Variants in KCNH1 observed in about 807,000 individuals in gnomAD.
KCNH1 encodes voltage-gated delayed rectifier potassium channel KCNH1.
KCNH1 carries 27 observed loss-of-function variants against 69.2 expected under a neutral mutation model. That is an observed-to-expected ratio of 0.39 (90% CI 0.29 to 0.54). The LOEUF (loss-of-function observed/expected upper bound fraction) is 0.54. Among genes scored for constraint, KCNH1 ranks in the 20% least tolerant of loss-of-function variants. The pLI, the probability that KCNH1 is intolerant of heterozygous loss-of-function variation, is 0.68. For synonymous variants in KCNH1, 456 were observed against 487.7 expected (o/e 0.93, Z 0.86); for missense variants, 798 against 1,261.6 (o/e 0.63, Z 5.57).
rs7535286 is a variant in KCNH1 at position 210,977,300 on chromosome 1, G to T, written c.1032+41483C>A. Among the ~76,000 whole-genome samples, 139 of 152,018 alleles carry T rather than the reference G, an allele frequency of 9.1e-4. 4 individuals are homozygous for T. In the East Asian group the frequency reaches 0.022, roughly 25 times the overall value. On this transcript the variant is annotated intron_variant, in intron 6 of 10. Transcript: ENST00000271751. ...CACACACTGGGGCCTGTCGTGAGGTGGGGGGAGTGGGGAGGGATAGCATTA... is the reference window on the plus strand; with the variant it reads ...CACACACTGGGGCCTGTCGTGAGGTTGGGGGAGTGGGGAGGGATAGCATTA...
At chr1:210,795,996 CACACACAA>C (rs1270239958) in intron 9 of KCNH1, among the ~76,000 whole-genome samples, 1 of 141,872 alleles carries the variant, frequency 7.0e-6, no homozygotes, top group Admixed American at 7.1e-5. Context: ...CACACACACA[CACACACAA>C]ATTAGCTGGG....
At chr1:210,778,586 A>G (rs900012883) in intron 9 of KCNH1, among the ~76,000 whole-genome samples, 8 of 151,768 alleles carry the variant, frequency 5.3e-5, no homozygotes, top group Non-Finnish European at 1.0e-4. Flanking sequence ...GCAGAACATC[A>G]CAAATCATCC....
At chr1:210,899,722 T>C (rs1167107052) in intron 7 of KCNH1, among the ~76,000 whole-genome samples, 2 of 152,234 alleles carry the variant, frequency 1.3e-5, no homozygotes, top group Non-Finnish European at 2.9e-5. Flanking sequence ...TGACTTCATG[T>C]GATCTTCTTA....
At chr1:210,760,966 G>C (rs917869353) in intron 10 of KCNH1, among the ~76,000 whole-genome samples, 2 of 152,094 alleles carry the variant, frequency 1.3e-5, no homozygotes, top group Non-Finnish European at 2.9e-5. Flanking sequence ...AAAAGTACAT[G>C]TAAAGGCCGG....
At chr1:210,979,327 T>A (rs1688670872) in intron 6 of KCNH1, among the ~76,000 whole-genome samples, 1 of 152,252 alleles carries the variant, frequency 6.6e-6, no homozygotes, top group African/African-American at 2.4e-5. Context: ...GATTGTTGTA[T>A]AACTTTGGAC....
intron 1 of KCNH1, among the ~76,000 whole-genome samples, chr1:211,128,178 A>T (rs1691815024): frequency 6.6e-6 from 1 of 151,644 alleles, no homozygotes; most frequent in Admixed American, 6.6e-5. Context: ...AATCCCAGCT[A>T]CTCAGGAGGC....
chr1:210,690,157 G>A (rs1020318478), intron 10 of KCNH1, among the ~76,000 whole-genome samples: 8 of 152,196 alleles, frequency 5.3e-5, no homozygotes, highest in African/African-American at 9.6e-5. Context: ...AAGAGGAAAC[G>A]CGCAGGCCCT....
chr1:211,002,290 A>G (rs1341421488), intron 6 of KCNH1, among the ~76,000 whole-genome samples: 2 of 147,210 alleles, frequency 1.4e-5, no homozygotes, highest in African/African-American at 5.0e-5. Flanking sequence ...GTATGTATAC[A>G]TGTATATATG....
intron 6 of KCNH1, among the ~76,000 whole-genome samples, chr1:210,982,588 A>C (rs1377652384): frequency 6.6e-6 from 1 of 152,158 alleles, no homozygotes; most frequent in Admixed American, 6.5e-5. Context: ...GTCCCTACAA[A>C]GGACATGAAC....
At chr1:210,706,896 TTCTC>T (rs1173941381) in intron 10 of KCNH1, among the ~76,000 whole-genome samples, 2 of 152,250 alleles carry the variant, frequency 1.3e-5, no homozygotes, top group South Asian at 2.1e-4. Context: ...ATTTCCTGCT[TTCTC>T]TCTATCATCT....
At chr1:210,956,303 C>T (rs1225270945) in intron 6 of KCNH1, among the ~76,000 whole-genome samples, 2 of 152,174 alleles carry the variant, frequency 1.3e-5, no homozygotes, top group African/African-American at 4.8e-5. Context: ...ATTCGGTTTG[C>T]CAGTATTTTA....
intron 5 of KCNH1, among the ~76,000 whole-genome samples, chr1:211,049,925 A>T (rs77768448): frequency 0.18 from 27,511 of 152,138 alleles, 2,844 homozygotes; most frequent in Non-Finnish European, 0.23. Context: ...GTGGCAGCAG[A>T]AGAAACCAGA....
intron 7 of KCNH1, among the ~76,000 whole-genome samples, chr1:210,852,378 T>C (rs761486948): frequency 4.6e-5 from 7 of 152,212 alleles, no homozygotes; most frequent in Non-Finnish European, 1.0e-4. Flanking sequence ...AACCAAGTCC[T>C]GCAAAGCTGC....
intron 10 of KCNH1, among the ~76,000 whole-genome samples, chr1:210,739,918 G>A (rs752416117): frequency 3.3e-5 from 5 of 152,082 alleles, no homozygotes; most frequent in Non-Finnish European, 4.4e-5. Context: ...AGATAGAAAA[G>A]CTCAGCTGTT....
chr1:210,683,607 T>C lies in KCNH1; in HGVS notation c.2644A>G (p.Ser882Gly). ...CGCAAGTCGCTCTTGGTGATGCCAC[T>C]GTCACACGAGTCTGTCTTCTTCAGT... Reference protein sequence around the residue: ...ATLKKTDSCDSGITKSDLRLD... With the variant: ...ATLKKTDSCDGGITKSDLRLD... Residue 882 changes from serine (S) to glycine (G), a missense_variant, in exon 11 of 11, where the codon AGT (serine) becomes GGT (glycine). Ser to Gly is a moderately conservative substitution (Grantham distance 56). This residue lies in a region of KCNH1 where 331 missense variants were observed against 363.2 expected (regional missense o/e 0.91). Coordinates refer to ENST00000271751, the MANE Select transcript of KCNH1 (RefSeq NM_172362.3). The surrounding 1 kb of genome is among the most constrained non-coding windows in gnomAD (Gnocchi z 5.7). 6.2e-7 allele frequency: 1 copy of C among 1,614,184 alleles called. No individual in the cohort carries two copies. The highest frequency in any genetic ancestry group is 1.1e-5 in the South Asian group (1 of 91,078).
intron 7 of KCNH1, among the ~76,000 whole-genome samples, chr1:210,869,826 T>G (rs1050114871): frequency 6.6e-6 from 1 of 152,116 alleles, no homozygotes; most frequent in Non-Finnish European, 1.5e-5. Context: ...ACCAGCCCTG[T>G]ATTGCCTCTG....
At chr1:210,915,289 G>C (rs12021704) in intron 7 of KCNH1, among the ~76,000 whole-genome samples, 20,608 of 152,030 alleles carry the variant, frequency 0.14, 1,703 homozygotes, top group East Asian at 0.37. Flanking sequence ...AACTCCTTAA[G>C]AGCACCAACT....
At chr1:210,684,198 C>T in intron 10 of KCNH1, 60 bp from the exon 11 acceptor site, 1 of 1,456,706 alleles carries the variant, frequency 6.9e-7, no homozygotes, top group South Asian at 1.6e-5. Context: ...CTGCAGCAGC[C>T]CAGCTCAGCC....
At chr1:210,918,772 T>G (rs969573578) in intron 7 of KCNH1, 2 of 152,198 alleles carry the variant, frequency 1.3e-5, no homozygotes. Context: ...TCAAAAATGT[T>G]TATCTAGACC....
Sources: allele counts gnomAD v4.1 joint callset (sites outside exome capture counted in the v4.1 genomes callset), GRCh38; gene constraint gnomAD v4.1.1; regional missense constraint gnomAD v4.1.1; non-coding constraint Gnocchi (gnomAD v3.1); transcripts MANE v1.5; gene names NCBI Gene and HGNC (gene_info 2026-07-23, HGNC 2026-07-21).